RNF135: variants seen among roughly 807,000 people sequenced by gnomAD.
RNF135 encodes the protein E3 ubiquitin-protein ligase RNF135.
A neutral mutation model predicts 41.9 loss-of-function variants in RNF135; 46 were observed. That is an observed-to-expected ratio of 1.10 (90% CI 0.87 to 1.40). RNF135 has a LOEUF of 1.40. RNF135 is among the 40% of genes most tolerant of loss of function. The pLI, the probability that RNF135 is intolerant of heterozygous loss-of-function variation, is 0.00. For synonymous variants in RNF135, 238 were observed against 223.8 expected (o/e 1.06, Z -0.57); for missense variants, 539 against 549.8 (o/e 0.98, Z 0.20).
At chr17:30,976,911 A>T (rs1489747041) in intron 1 of RNF135, among the ~76,000 whole-genome samples, 1 of 151,986 alleles carries the variant, frequency 6.6e-6, no homozygotes, top group Non-Finnish European at 1.5e-5. Flanking sequence ...GTGTCTTTTG[A>T]TTGAAGATTT....
At chr17:30,973,490 C>G (rs1213972542) in intron 1 of RNF135, among the ~76,000 whole-genome samples, 1 of 148,508 alleles carries the variant, frequency 6.7e-6, no homozygotes, top group Non-Finnish European at 1.5e-5. Context: ...TTTTTTGAAA[C>G]GAGGTCTCGC....
Position 30,974,100 on chromosome 17 carries a change from A to G in RNF135, c.372+2655A>G, listed in dbSNP as rs191523777. Reference sequence around the variant, plus strand: ...GTGCCTGTAGTCCCAGGTACTTGGGAGGCTGAGGTAGGAGAAATCACCTGA... The same window carrying G: ...GTGCCTGTAGTCCCAGGTACTTGGGGGGCTGAGGTAGGAGAAATCACCTGA... On this transcript the variant is annotated intron_variant, in intron 1 of 4. Coordinates refer to ENST00000328381, the MANE Select transcript of RNF135 (RefSeq NM_032322.4). 7.6e-4 allele frequency among the ~76,000 whole-genome samples: 115 copies of G among 152,264 alleles called. 1 individual carries two copies. Among genetic ancestry groups the G allele is most frequent in the South Asian group, 1.7e-3 (8 of 4,824 alleles).
intron 3 of RNF135, among the ~76,000 whole-genome samples, chr17:30,989,195 T>G (rs1030307991): frequency 1.3e-5 from 2 of 151,436 alleles, no homozygotes; most frequent in African/African-American, 4.8e-5. Flanking sequence ...CAGAGAGAGA[T>G]CCTGTCTCTA....
intron 3 of RNF135, among the ~76,000 whole-genome samples, chr17:30,991,237 C>G (rs547173232): frequency 3.7e-4 from 56 of 151,816 alleles, no homozygotes; most frequent in African/African-American, 1.3e-3. Context: ...GTGGTGGGTG[C>G]CCGTAATCCC....
rs1489218371 is a variant in RNF135 at position 30,998,773 on chromosome 17, G to A, written c.881G>A (p.Cys294Tyr). 5.0e-6 allele frequency: 8 copies of A among 1,613,310 alleles called. No individual in the cohort carries two copies. The Admixed American group carries it at 1.0e-4, about 20-fold the overall frequency. ...SHRPQPYRWS[C>Y]ERFSTSQVLC... ...CGCCCACAACCCTATCGCTGGAGCT[G>A]TGAGAGGTTTTCTACCAGCCAGGTC... The change falls in exon 5 of 5, where the codon TGT becomes TAT. Residue 294 changes from cysteine (C) to tyrosine (Y), a missense_variant. Physicochemically the swap from Cys to Tyr is radical, Grantham distance 194. Around this residue, in one of 2 missense-constraint regions of RNF135, gnomAD observed 262 missense variants for 336.9 expected, o/e 0.78. Coordinates refer to ENST00000328381, the MANE Select transcript of RNF135 (RefSeq NM_032322.4).
At position 30,999,296 on chromosome 17, in the gene RNF135, TA is replaced by T; in HGVS notation, c.*106del. ...ATACCACTTTTTAGAAAAATTACGA[TA>T]GAGATGGGATCTCACTAGGTTGCCC... is the stretch of plus-strand genomic sequence containing the variant. On this transcript the variant is annotated 3_prime_UTR_variant, in exon 5 of 5. Coordinates refer to ENST00000328381, the MANE Select transcript of RNF135 (RefSeq NM_032322.4). 1 of 1,271,712 alleles carries T rather than the reference TA, an allele frequency of 7.9e-7. No homozygotes were observed. Among genetic ancestry groups the T allele is most frequent in the Non-Finnish European group, 1.1e-6 (1 of 901,040 alleles). 78.8% of individuals were successfully genotyped at this position (1,271,712 alleles called of 1,614,324 possible).
chr17:30,982,276 C>T (rs1907207706), intron 1 of RNF135, among the ~76,000 whole-genome samples: 1 of 152,200 alleles, frequency 6.6e-6, no homozygotes, highest in African/African-American at 2.4e-5. Flanking sequence ...GAGAGGCTTG[C>T]CAGAACTCAG....
chr17:30,983,353 A>T (rs55963401), intron 1 of RNF135, among the ~76,000 whole-genome samples: 7,710 of 36,130 alleles, frequency 0.21, 1,400 homozygotes, highest in East Asian at 0.33. Flanking sequence ...ATATATATAT[A>T]TTTTTTTTTT....
upstream of RNF135, among the ~76,000 whole-genome samples, chr17:30,968,262 C>T (rs145092733): frequency 9.9e-4 from 146 of 147,682 alleles, 1 homozygote; most frequent in East Asian, 0.026. Flanking sequence ...CACTCCACTC[C>T]AGCCTGGGCA....
chr17:30,981,165 C>G (rs1054276040), intron 1 of RNF135, among the ~76,000 whole-genome samples: 1 of 149,588 alleles, frequency 6.7e-6, no homozygotes, highest in African/African-American at 2.5e-5. Flanking sequence ...GGAGACCAGC[C>G]CGGCCAACAC....
chr17:30,966,374 A>ATTT (rs1567732238), upstream of RNF135, among the ~76,000 whole-genome samples: 22 of 138,708 alleles, frequency 1.6e-4, no homozygotes, highest in African/African-American at 5.5e-4. Flanking sequence ...TTATTTATTT[A>ATTT]ATTTTTAAGT....
At chr17:30,984,517 T>C (rs1889251555) in intron 1 of RNF135, 100 bp from the exon 2 acceptor site, 1 of 1,250,770 alleles carries the variant, frequency 8.0e-7, no homozygotes, top group South Asian at 1.2e-5. Context: ...GTATGTCTGT[T>C]TTTATGCCAT....
chr17:30,978,250 C>G (rs1294303343), intron 1 of RNF135, among the ~76,000 whole-genome samples: 1 of 152,124 alleles, frequency 6.6e-6, no homozygotes, highest in Non-Finnish European at 1.5e-5. Context: ...TTATAACCTT[C>G]TTGTATGTAG....
At chr17:30,994,020 G>C (rs1224697025) in intron 3 of RNF135, 4 of 445,720 alleles carry the variant, frequency 9.0e-6, no homozygotes, top group Non-Finnish European at 1.6e-5. Context: ...GCCCAGGCTG[G>C]TCTCCCACTC....
At chr17:30,980,489 C>G (rs1247757247) in intron 1 of RNF135, among the ~76,000 whole-genome samples, 2 of 132,020 alleles carry the variant, frequency 1.5e-5, no homozygotes, top group Non-Finnish European at 3.3e-5. Flanking sequence ...GGCGGCTGGC[C>G]GGGCGGGGGG....
rs1274518103 is a variant in RNF135 at position 30,997,257 on chromosome 17, C to T, written c.695C>T (p.Ala232Val). 6.2e-7 allele frequency: 1 copy of T among 1,613,710 alleles called. No individual in the cohort carries two copies. The highest frequency in any genetic ancestry group is 8.5e-7 in the Non-Finnish European group (1 of 1,179,758). The change falls in exon 4 of 5, where the codon GCC becomes GTC. Residue 232 changes from alanine (A) to valine (V), a missense_variant. Physicochemically the swap from Ala to Val is moderately conservative, Grantham distance 64 (BLOSUM62 0). Around this residue, in one of 2 missense-constraint regions of RNF135, gnomAD observed 262 missense variants for 336.9 expected, o/e 0.78. Transcript: ENST00000328381. ...EAQMQGELLE[A>V]PSSSSCPLPD... ...TGTTACTTAGGAGAACTCCTGGAAG[C>T]CCCGTCTTCCTCCTCATGCCCATTG... is the stretch of plus-strand genomic sequence containing the variant.
chr17:30,984,715 C>G lies in RNF135; in HGVS notation c.471C>G (p.Pro157=), dbSNP rs757345534. 1 of 1,614,104 alleles carries G rather than the reference C, an allele frequency of 6.2e-7. No individual in the cohort carries two copies. ...DIVRSLQNQR[P]LSESGPDNEL... ...TCAGAAGCCTGCAGAATCAGAGGCC[C>G]CTATCAGAATCTGGACCAGACAACG... The change falls in exon 2 of 5, where the codon CCC becomes CCG. Residue 157 remains proline (P), a synonymous_variant. Coordinates refer to ENST00000328381, the MANE Select transcript of RNF135 (RefSeq NM_032322.4).
intron 3 of RNF135, among the ~76,000 whole-genome samples, chr17:30,992,956 C>A (rs978920725): frequency 1.3e-5 from 2 of 151,734 alleles, no homozygotes; most frequent in Admixed American, 6.6e-5. Flanking sequence ...ACATTTAAAT[C>A]TTTGGTTTCA....
In RNF135 at chr17:30,971,434, G is replaced by A; in HGVS notation, c.361G>A (p.Glu121Lys). The A allele has an allele frequency of 6.6e-7, 1 of 1,512,824 alleles. No individual in the cohort carries two copies. The highest frequency in any genetic ancestry group is 8.8e-7 in the Non-Finnish European group (1 of 1,138,208). 93.7% of individuals were successfully genotyped at this position (1,512,824 alleles called of 1,614,324 possible). ...GGCCGCGAGGCCCCGGCGCCGCCCG[G>A]AACTGCAGCGGGTAGGGAGGCCGGG... is the stretch of plus-strand genomic sequence containing the variant. Reference protein sequence around the residue: ...SAAARPRRRPELQRVAVEKSI... With the variant: ...SAAARPRRRPKLQRVAVEKSI... Residue 121 changes from glutamate to lysine, a missense_variant, in exon 1 of 5, where the codon GAA becomes AAA. This residue lies in a region of RNF135 where 277 missense variants were observed against 212.8 expected (regional missense o/e 1.30). Coordinates refer to ENST00000328381, the MANE Select transcript of RNF135 (RefSeq NM_032322.4).
Sources: allele counts gnomAD v4.1 joint callset (sites outside exome capture counted in the v4.1 genomes callset), GRCh38; gene constraint gnomAD v4.1.1; regional missense constraint gnomAD v4.1.1; transcripts MANE v1.5; gene names NCBI Gene and HGNC (gene_info 2026-07-23, HGNC 2026-07-21).